Variants in TTC7B observed in about 807,000 individuals in gnomAD.
TTC7B encodes tetratricopeptide repeat domain 7B.
In TTC7B, 28 loss-of-function variants were observed where a neutral mutation model predicts 106.8. That is an observed-to-expected ratio of 0.26 (90% CI 0.19 to 0.36). The LOEUF is 0.36. Ranked by LOEUF, TTC7B falls within the 10% of genes least tolerant of loss-of-function variation. The probability of loss-of-function intolerance (pLI) is 1.00; values close to 1 mark genes in which losing one functional copy is unlikely to be tolerated. For synonymous variants in TTC7B, 405 were observed against 430.6 expected, an observed-to-expected ratio of 0.94 and a Z score of 0.74; for missense variants, 862 against 1,076.4, an observed-to-expected ratio of 0.80 and a Z score of 2.79.
intron 4 of TTC7B, among the ~76,000 whole-genome samples, chr14:90,730,437 C>CG (rs1341071260): frequency 6.6e-6 from 1 of 152,100 alleles, no homozygotes; most frequent in Non-Finnish European, 1.5e-5. Flanking sequence ...GCTGAGGAGT[C>CG]GGGGGTGCTG....
At chr14:90,795,750 T>C (rs1387594673) in intron 1 of TTC7B, among the ~76,000 whole-genome samples, 3 of 152,218 alleles carry the variant, frequency 2.0e-5, no homozygotes, top group African/African-American at 7.2e-5. Context: ...AGAATAGTTA[T>C]GTTGGATCTT....
intron 5 of TTC7B, among the ~76,000 whole-genome samples, chr14:90,707,243 C>T (rs187088497): frequency 9.9e-5 from 15 of 152,266 alleles, no homozygotes; most frequent in African/African-American, 2.6e-4. Context: ...GGGGGTGCCA[C>T]AAACCATGCC....
Position 90,600,799 on chromosome 14 carries a change from C to T in TTC7B, c.1967-7173G>A, listed in dbSNP as rs141406899. On this transcript the variant is annotated intron_variant, in intron 17 of 19. Coordinates refer to ENST00000328459, the MANE Select transcript of TTC7B (RefSeq NM_001010854.2). The surrounding 1 kb of genome is among the most constrained non-coding windows in gnomAD (Gnocchi z 4.3). ...TGCAGGAAGGTGCCAGCTGTCAGAG[C>T]GAGCCGCTGCCGGTGGCTCTGCGCT... Among the ~76,000 whole-genome samples, 27 of 152,288 alleles carry T rather than the reference C, an allele frequency of 1.8e-4. No homozygotes were observed. The highest frequency in any genetic ancestry group is 6.2e-4 in the South Asian group (3 of 4,830).
chr14:90,811,821 C>T (rs1306637610), intron 1 of TTC7B, among the ~76,000 whole-genome samples: 1 of 152,164 alleles, frequency 6.6e-6, no homozygotes, highest in Non-Finnish European at 1.5e-5. Context: ...CCGAGCTTGC[C>T]TAAGAAGATT....
intron 3 of TTC7B, chr14:90,766,822 G>C (rs1890696985): frequency 6.3e-7 from 1 of 1,593,216 alleles, no homozygotes; most frequent in African/African-American, 1.3e-5. Flanking sequence ...ATATAGCCAG[G>C]TCCTAGCCAA....
chr14:90,560,531 C>T (rs188782769), intron 19 of TTC7B, among the ~76,000 whole-genome samples: 4 of 152,358 alleles, frequency 2.6e-5, no homozygotes, highest in Admixed American at 2.6e-4. Flanking sequence ...GTTGAGGATT[C>T]AGAAAGGGAA....
At chr14:90,558,307 G>A (rs1269257044) in intron 19 of TTC7B, among the ~76,000 whole-genome samples, 2 of 152,242 alleles carry the variant, frequency 1.3e-5, no homozygotes, top group Non-Finnish European at 2.9e-5. Flanking sequence ...TACACAAACA[G>A]CTGCCAGGAC....
intron 15 of TTC7B, among the ~76,000 whole-genome samples, chr14:90,625,428 G>A (rs950677313): frequency 2.6e-5 from 4 of 152,190 alleles, no homozygotes; most frequent in African/African-American, 9.7e-5. Flanking sequence ...CACCATTTCT[G>A]AGGGCCCACC....
intron 1 of TTC7B, among the ~76,000 whole-genome samples, chr14:90,815,860 C>A (rs903368061): frequency 6.6e-6 from 1 of 151,838 alleles, no homozygotes; most frequent in Non-Finnish European, 1.5e-5. Flanking sequence ...CGGCCCCTGA[C>A]CTCCTGTGGT....
chr14:90,722,740 G>A (rs1888946137), intron 5 of TTC7B, among the ~76,000 whole-genome samples: 1 of 152,174 alleles, frequency 6.6e-6, no homozygotes, highest in East Asian at 1.9e-4. Context: ...TCACAATTTG[G>A]TCTTCTTTAT....
chr14:90,609,599 C>T (rs935247748), intron 17 of TTC7B, among the ~76,000 whole-genome samples: 2 of 152,156 alleles, frequency 1.3e-5, no homozygotes, highest in African/African-American at 4.8e-5. Flanking sequence ...GGATGTGGCA[C>T]AAGGACAAGA....
intron 19 of TTC7B, among the ~76,000 whole-genome samples, chr14:90,574,047 G>A (rs1333727711): frequency 2.0e-5 from 3 of 152,128 alleles, no homozygotes; most frequent in Non-Finnish European, 4.4e-5. Flanking sequence ...TCCCTGTCCT[G>A]GTGATTTTGT....
chr14:90,598,488 G>A (rs545715463), intron 17 of TTC7B, among the ~76,000 whole-genome samples: 1 of 152,268 alleles, frequency 6.6e-6, no homozygotes, highest in South Asian at 2.1e-4. Flanking sequence ...GAAGGCAGCC[G>A]AGGACCTAGA....
At chr14:90,682,285 T>A (rs1414650351) in intron 7 of TTC7B, among the ~76,000 whole-genome samples, 1 of 152,218 alleles carries the variant, frequency 6.6e-6, no homozygotes, top group Non-Finnish European at 1.5e-5. Flanking sequence ...GTTTGTGTTA[T>A]TTTTACCATA....
intron 9 of TTC7B, among the ~76,000 whole-genome samples, chr14:90,674,243 C>T (rs367730536): frequency 7.9e-5 from 12 of 152,156 alleles, no homozygotes; most frequent in Non-Finnish European, 1.3e-4. Flanking sequence ...GATGTGGCCT[C>T]GGACAGAGGG....
intron 3 of TTC7B, chr14:90,766,599 G>T: frequency 2.3e-6 from 2 of 883,656 alleles, no homozygotes; most frequent in Admixed American, 3.4e-5. Flanking sequence ...TCGATGGGCA[G>T]TGGAAAACAG....
chr14:90,670,377 T>C (rs1305373011), intron 9 of TTC7B, among the ~76,000 whole-genome samples: 1 of 152,196 alleles, frequency 6.6e-6, no homozygotes, highest in Non-Finnish European at 1.5e-5. Context: ...TATTGCTTGA[T>C]GGGTACAGAA....
intron 3 of TTC7B, among the ~76,000 whole-genome samples, chr14:90,777,022 G>C (rs939137871): frequency 1.3e-5 from 2 of 152,172 alleles, no homozygotes; most frequent in Non-Finnish European, 2.9e-5. Context: ...GATCACCTGA[G>C]ATCAGGAGTT....
chr14:90,589,080 G>C (rs940571787), intron 18 of TTC7B, among the ~76,000 whole-genome samples: 5 of 152,184 alleles, frequency 3.3e-5, no homozygotes, highest in African/African-American at 1.2e-4. Context: ...AAAGATCAAG[G>C]ATTCTGAGAA....
Sources: gnomAD v4.1 joint callset for allele counts (sites outside exome capture counted in the v4.1 genomes callset) on GRCh38, gnomAD v4.1.1 for gene constraint, Gnocchi (gnomAD v3.1) non-coding constraint, MANE v1.5 for transcripts, NCBI Gene and HGNC (gene_info 2026-07-23, HGNC 2026-07-21) for gene names.